CNTNAP2: variants seen among roughly 807,000 people sequenced by gnomAD.
CNTNAP2 encodes contactin-associated protein-like 2.
In CNTNAP2, 98 loss-of-function variants were observed where a neutral mutation model predicts 155.2. That is an observed-to-expected ratio of 0.63 (90% CI 0.54 to 0.75). The LOEUF is 0.75. Ranked by LOEUF, CNTNAP2 falls within the 30% of genes least tolerant of loss-of-function variation. CNTNAP2 has a pLI of 0.00. For missense variants in CNTNAP2, 1,727 were observed against 1,688.1 expected, an observed-to-expected ratio of 1.02 and a Z score of -0.40; for synonymous variants, 651 against 631.2, an observed-to-expected ratio of 1.03 and a Z score of -0.47.
chr7:146,234,750 T>A (rs1478532427), intron 1 of CNTNAP2, among the ~76,000 whole-genome samples: 1 of 152,338 alleles, frequency 6.6e-6, no homozygotes, highest in East Asian at 1.9e-4. Context: ...GAACTGAAAA[T>A]TCACATCTTA....
intron 1 of CNTNAP2, among the ~76,000 whole-genome samples, chr7:146,459,841 A>C (rs926112084): frequency 2.0e-5 from 3 of 152,036 alleles, no homozygotes; most frequent in Non-Finnish European, 4.4e-5. Context: ...ATGGGGGTAC[A>C]TGCCTGTAGT....
chr7:147,243,000 T>G (rs1167245359), intron 8 of CNTNAP2, among the ~76,000 whole-genome samples: 14 of 121,112 alleles, frequency 1.2e-4, no homozygotes, highest in African/African-American at 4.3e-4. Flanking sequence ...TTTTTTTTTT[T>G]TTTTTTTTTT....
Position 148,298,298 on chromosome 7 carries a change from C to T in CNTNAP2, c.3475+31172C>T, listed in dbSNP as rs115080020. On this transcript the variant is annotated intron_variant, in intron 21 of 23. Coordinates refer to ENST00000361727, the MANE Select transcript of CNTNAP2 (RefSeq NM_014141.6). ...TAAGTGAATAGATAATGCCTAAAAACATGTCATGAAATTGCAATGTCACCA... is the reference window on the plus strand; with the variant it reads ...TAAGTGAATAGATAATGCCTAAAAATATGTCATGAAATTGCAATGTCACCA... Among the ~76,000 whole-genome samples the T allele has an allele frequency of 4.1e-3, 617 of 152,230 alleles. 7 individuals are homozygous for T. The highest frequency in any genetic ancestry group is 0.014 in the African/African-American group (588 of 41,544).
chr7:146,247,973 G>T (rs1003461651), intron 1 of CNTNAP2, among the ~76,000 whole-genome samples: 2 of 151,650 alleles, frequency 1.3e-5, no homozygotes, highest in African/African-American at 4.8e-5. Context: ...AGGGATCGGG[G>T]TGCAGAGATA....
chr7:148,410,189 A>G lies in CNTNAP2; in HGVS notation c.3796+718A>G, dbSNP rs1188013679. On this transcript the variant is annotated intron_variant, in intron 23 of 23. Coordinates refer to ENST00000361727, the MANE Select transcript of CNTNAP2 (RefSeq NM_014141.6). Reference sequence around the variant, plus strand: ...TAATTAAGTAGGTAGTAGTGACCATAGCCAGGACATTTCTTTATCCCCCTC... The same window carrying G: ...TAATTAAGTAGGTAGTAGTGACCATGGCCAGGACATTTCTTTATCCCCCTC... Among the ~76,000 whole-genome samples, 3 of 152,072 alleles carry G rather than the reference A, an allele frequency of 2.0e-5. No individual in the cohort carries two copies. The East Asian group carries it at 5.8e-4, about 29-fold the overall frequency.
chr7:146,841,954 C>G (rs1293010186), intron 3 of CNTNAP2, among the ~76,000 whole-genome samples: 1 of 151,052 alleles, frequency 6.6e-6, no homozygotes, highest in African/African-American at 2.4e-5. Context: ...GTGATCTTGG[C>G]TCACTGCAAC....
chr7:147,444,653 T>C (rs1797701776), intron 10 of CNTNAP2, among the ~76,000 whole-genome samples: 2 of 152,162 alleles, frequency 1.3e-5, no homozygotes, highest in South Asian at 2.1e-4. Flanking sequence ...GCATAGATTA[T>C]TGACAATAAA....
intron 13 of CNTNAP2, among the ~76,000 whole-genome samples, chr7:147,769,006 C>T (rs1731322456): frequency 6.6e-6 from 1 of 151,950 alleles, no homozygotes; most frequent in African/African-American, 2.4e-5. Context: ...TTTAACAAAT[C>T]AAAATGCAAT....
At chr7:146,429,743 G>T (rs1340416993) in intron 1 of CNTNAP2, among the ~76,000 whole-genome samples, 1 of 152,054 alleles carries the variant, frequency 6.6e-6, no homozygotes, top group Non-Finnish European at 1.5e-5. Flanking sequence ...GACTGTTCTG[G>T]ACAGAACTTC....
intron 1 of CNTNAP2, among the ~76,000 whole-genome samples, chr7:146,554,724 A>G (rs1798171439): frequency 6.6e-6 from 1 of 152,224 alleles, no homozygotes; most frequent in South Asian, 2.1e-4. Context: ...TATTCACTGT[A>G]AACTCGGTGT....
At chr7:148,020,539 T>C (rs1352196456) in intron 15 of CNTNAP2, among the ~76,000 whole-genome samples, 1 of 152,238 alleles carries the variant, frequency 6.6e-6, no homozygotes, top group Non-Finnish European at 1.5e-5. Flanking sequence ...TCGTATTAAT[T>C]TTGGTCAAGA....
intron 8 of CNTNAP2, among the ~76,000 whole-genome samples, chr7:147,187,793 C>T (rs1295450892): frequency 2.0e-5 from 3 of 152,178 alleles, no homozygotes; most frequent in African/African-American, 7.2e-5. Context: ...GTTATGCTGG[C>T]TCACACCTCT....
chr7:147,923,464 G>A (rs796865700), intron 14 of CNTNAP2, among the ~76,000 whole-genome samples: 16 of 152,198 alleles, frequency 1.1e-4, no homozygotes, highest in African/African-American at 3.6e-4. Flanking sequence ...GAAGCTAAGA[G>A]AAAGGCCTGG....
At chr7:146,630,063 C>A (rs1261733929) in intron 1 of CNTNAP2, among the ~76,000 whole-genome samples, 1 of 151,634 alleles carries the variant, frequency 6.6e-6, no homozygotes, top group East Asian at 1.9e-4. Context: ...TTTGCTGCAC[C>A]TATCAACCCG....
At position 147,155,995 on chromosome 7, in the gene CNTNAP2, G is replaced by A. The variant is rs750518594; in HGVS notation, c.1348+23486G>A. ...CATTTAGTAGGTGCATGGATTAAAG[G>A]ACCATTTTTGTGGCAACACTGGAAA... is the stretch of plus-strand genomic sequence containing the variant. On this transcript the variant is annotated intron_variant, in intron 8 of 23. Transcript: ENST00000361727. Among the ~76,000 whole-genome samples the A allele has an allele frequency of 5.9e-5, 9 of 152,140 alleles. No homozygotes were observed. In the South Asian group the frequency reaches 8.3e-4, roughly 14 times the overall value.
intron 2 of CNTNAP2, among the ~76,000 whole-genome samples, chr7:146,790,887 T>A (rs1802660909): frequency 6.6e-6 from 1 of 151,938 alleles, no homozygotes; most frequent in African/African-American, 2.4e-5. Context: ...CAGTGATTTC[T>A]ATGCAGGGGC....
Position 147,472,124 on chromosome 7 carries a change from G to A in CNTNAP2, c.1671-13811G>A, listed in dbSNP as rs192244954. Among the ~76,000 whole-genome samples, 4 of 151,972 alleles carry A rather than the reference G, an allele frequency of 2.6e-5. No individual in the cohort carries two copies. In the East Asian group the frequency reaches 5.8e-4, roughly 22 times the overall value. On this transcript the variant is annotated intron_variant, in intron 10 of 23. Transcript: ENST00000361727. ...GCATGAGGCAGCAGTGGAGAAGCAG[G>A]TAGCAGATCATGCAAAAACATACAA...
intron 1 of CNTNAP2, among the ~76,000 whole-genome samples, chr7:146,175,786 T>C (rs1168489006): frequency 6.6e-6 from 1 of 152,186 alleles, no homozygotes; most frequent in Non-Finnish European, 1.5e-5. Flanking sequence ...AATATTACAA[T>C]TGCTATTTCT....
intron 4 of CNTNAP2, among the ~76,000 whole-genome samples, chr7:147,055,263 T>C (rs917403279): frequency 6.6e-6 from 1 of 152,224 alleles, no homozygotes; most frequent in East Asian, 1.9e-4. Flanking sequence ...GAAAATCACT[T>C]ATCAGCTAGA....
Sources: allele counts gnomAD v4.1 joint callset (sites outside exome capture counted in the v4.1 genomes callset), GRCh38; gene constraint gnomAD v4.1.1; transcripts MANE v1.5; gene names NCBI Gene and HGNC (gene_info 2026-07-23, HGNC 2026-07-21).